SH3RF3: variants seen among roughly 807,000 people sequenced by gnomAD.
SH3RF3 encodes the protein SH3 domain containing ring finger 3, also known as E3 ubiquitin-protein ligase SH3RF3.
SH3RF3 carries 29 observed loss-of-function variants against 66.3 expected under a neutral mutation model. The observed-to-expected ratio is 0.44, with a 90% CI of 0.33 to 0.60. The LOEUF (loss-of-function observed/expected upper bound fraction) is 0.60. SH3RF3 is among the 20% of genes least tolerant of loss of function. SH3RF3 has a pLI of 0.04. For missense variants in SH3RF3, 1,194 were observed against 1,190.9 expected (o/e 1.00, Z -0.04); for synonymous variants, 583 against 532.0 (o/e 1.10, Z -1.32).
chr2:109,162,331 C>G (rs1166747041), intron 1 of SH3RF3, among the ~76,000 whole-genome samples: 1 of 152,224 alleles, frequency 6.6e-6, no homozygotes, highest in African/African-American at 2.4e-5. Flanking sequence ...GTTGCTCTGA[C>G]ACGTAAGCCC....
intron 4 of SH3RF3, among the ~76,000 whole-genome samples, chr2:109,401,180 C>A (rs1676303546): frequency 6.6e-6 from 1 of 152,210 alleles, no homozygotes; most frequent in Non-Finnish European, 1.5e-5. Context: ...TGTTTGTCAC[C>A]AATGACAAAG....
At chr2:109,461,655 C>T (rs1402703258) in intron 8 of SH3RF3, among the ~76,000 whole-genome samples, 1 of 139,888 alleles carries the variant, frequency 7.1e-6, no homozygotes, top group East Asian at 2.2e-4. Context: ...ACGTAGCATC[C>T]CTGTCTGTCC....
At chr2:109,440,502 T>C (rs1214027985) in intron 7 of SH3RF3, among the ~76,000 whole-genome samples, 1 of 152,210 alleles carries the variant, frequency 6.6e-6, no homozygotes, top group Admixed American at 6.5e-5. Flanking sequence ...TATTTTTGTA[T>C]TTAAAAGATT....
intron 8 of SH3RF3, among the ~76,000 whole-genome samples, chr2:109,452,655 C>G (rs1043373539): frequency 2.0e-5 from 3 of 152,200 alleles, no homozygotes; most frequent in African/African-American, 4.8e-5. Context: ...GAAGAAGCCC[C>G]AAAACCAGCT....
intron 1 of SH3RF3, among the ~76,000 whole-genome samples, chr2:109,193,076 G>T (rs1678407464): frequency 6.6e-6 from 1 of 152,166 alleles, no homozygotes; most frequent in Admixed American, 6.5e-5. Context: ...TGGTTCAAAG[G>T]TGAGTAAATA....
chr2:109,142,687 T>C (rs992671027), intron 1 of SH3RF3, among the ~76,000 whole-genome samples: 2 of 152,176 alleles, frequency 1.3e-5, no homozygotes, highest in African/African-American at 4.8e-5. Context: ...TGAGGTCAAC[T>C]GAGCGGAGCA....
chr2:109,161,330 A>G (rs4676069), intron 1 of SH3RF3, among the ~76,000 whole-genome samples: 124,512 of 151,968 alleles, frequency 0.82, 51,162 homozygotes, highest in East Asian at 0.89. Context: ...TAAGTGTGGT[A>G]TGCACGGGTT....
chr2:109,477,071 G>C (rs1678702411), intron 8 of SH3RF3, among the ~76,000 whole-genome samples: 1 of 152,164 alleles, frequency 6.6e-6, no homozygotes, highest in South Asian at 2.1e-4. Context: ...AACTGTCTGG[G>C]AATGCACCCC....
In SH3RF3 at chr2:109,195,859, A is replaced by G. The variant is rs566293146; in HGVS notation, c.573+65746A>G. 9.9e-5 allele frequency among the ~76,000 whole-genome samples: 15 copies of G among 152,246 alleles called. No individual in the cohort carries two copies. In the South Asian group the frequency reaches 3.1e-3, roughly 32 times the overall value. Reference sequence around the variant, plus strand: ...CCTGATCCCGGCATGGAGTCTGGCTATGCGTTTGGAAGGTCTCTCGAATTT... The same window carrying G: ...CCTGATCCCGGCATGGAGTCTGGCTGTGCGTTTGGAAGGTCTCTCGAATTT... On this transcript the variant is annotated intron_variant, in intron 1 of 9. Transcript: ENST00000309415.
intron 1 of SH3RF3, among the ~76,000 whole-genome samples, chr2:109,191,016 C>T (rs142857052): frequency 3.3e-5 from 5 of 151,796 alleles, no homozygotes; most frequent in African/African-American, 1.2e-4. Context: ...TGTAAAGGGC[C>T]AGAGAGTAAA....
chr2:109,294,282 C>T (rs1317774504), intron 1 of SH3RF3, among the ~76,000 whole-genome samples: 1 of 152,088 alleles, frequency 6.6e-6, no homozygotes, highest in African/African-American at 2.4e-5. Flanking sequence ...AATTGCTGTG[C>T]CGTGTGCGGT....
At chr2:109,211,847 T>C (rs1362091983) in intron 1 of SH3RF3, among the ~76,000 whole-genome samples, 1 of 152,152 alleles carries the variant, frequency 6.6e-6, no homozygotes. Flanking sequence ...TTCCCCATGT[T>C]GGCCAGGCTG....
At chr2:109,500,995 C>T (rs1679371018) in intron 9 of SH3RF3, among the ~76,000 whole-genome samples, 1 of 152,218 alleles carries the variant, frequency 6.6e-6, no homozygotes. Flanking sequence ...AAGTACCTTT[C>T]ACACATCACA....
intron 1 of SH3RF3, among the ~76,000 whole-genome samples, chr2:109,213,511 G>T (rs972718741): frequency 6.6e-6 from 1 of 152,190 alleles, no homozygotes; most frequent in Non-Finnish European, 1.5e-5. Context: ...CTGGAGAAGG[G>T]CATATCTGCC....
intron 1 of SH3RF3, among the ~76,000 whole-genome samples, chr2:109,186,214 C>A (rs535836328): frequency 6.6e-6 from 1 of 152,242 alleles, no homozygotes. Flanking sequence ...GAAAAGAAGA[C>A]GAAGTGAACT....
At position 109,379,431 on chromosome 2, in the gene SH3RF3, C is replaced by T. The variant is rs191484885; in HGVS notation, c.945+7750C>T. ...GGTCCCACTCTCCAGGCGAGCCCCT[C>T]GCATGTTTGTTTCACTGCTGGTGTT... On this transcript the variant is annotated intron_variant, in intron 3 of 9. Transcript: ENST00000309415. Among the ~76,000 whole-genome samples the T allele has an allele frequency of 2.2e-4, 33 of 152,148 alleles. No individual in the cohort carries two copies. In the East Asian group the frequency reaches 3.9e-3, roughly 18 times the overall value.
At chr2:109,137,751 C>G (rs955487676) in intron 1 of SH3RF3, among the ~76,000 whole-genome samples, 3 of 152,340 alleles carry the variant, frequency 2.0e-5, no homozygotes, top group East Asian at 3.9e-4. Context: ...CACCACCCGT[C>G]CTGATCAGCC....
At chr2:109,147,006 C>G (rs1677117206) in intron 1 of SH3RF3, among the ~76,000 whole-genome samples, 1 of 151,082 alleles carries the variant, frequency 6.6e-6, no homozygotes, top group South Asian at 2.1e-4. Flanking sequence ...CATCTCCCAA[C>G]CTGATGATGT....
intron 1 of SH3RF3, among the ~76,000 whole-genome samples, chr2:109,278,776 A>G (rs1680817203): frequency 6.6e-6 from 1 of 152,118 alleles, no homozygotes; most frequent in Admixed American, 6.5e-5. Flanking sequence ...ACTGAAACCC[A>G]TGTTACCCTT....
Sources: gnomAD v4.1 joint callset for allele counts (sites outside exome capture counted in the v4.1 genomes callset) on GRCh38, gnomAD v4.1.1 for gene constraint, MANE v1.5 for transcripts, NCBI Gene and HGNC (gene_info 2026-07-23, HGNC 2026-07-21) for gene names.